The following GALK2 variants were observed in gnomAD, a reference collection of about 807,000 sequenced individuals.
GALK2 encodes N-acetylgalactosamine kinase.
Under a neutral mutation model 52.4 loss-of-function variants are expected in GALK2, and 36 were observed. That is an observed-to-expected ratio of 0.69 (90% confidence interval 0.53 to 0.91). The LOEUF is 0.91. Ranked by LOEUF, GALK2 falls within the 40% of genes least tolerant of loss-of-function variation. The probability of loss-of-function intolerance (pLI) is 0.00; values close to 1 mark genes in which losing one functional copy is unlikely to be tolerated. For missense variants in GALK2, 579 were observed against 559.1 expected (o/e 1.04, Z -0.36); for synonymous variants, 176 against 199.1 (o/e 0.88, Z 0.98).
chr15:49,289,670 T>A (rs983902864), intron 7 of GALK2, among the ~76,000 whole-genome samples: 3 of 152,202 alleles, frequency 2.0e-5, no homozygotes, highest in Non-Finnish European at 2.9e-5. Flanking sequence ...ACCTGTGATT[T>A]GAAGCTCAGC....
intron 3 of GALK2, among the ~76,000 whole-genome samples, chr15:49,345,301 A>C (rs1198005718): frequency 1.3e-5 from 2 of 152,166 alleles, no homozygotes; most frequent in Non-Finnish European, 2.9e-5. Context: ...GTTCCTCATA[A>C]AGTCATTCTA....
At chr15:49,205,503 T>A (rs1033683657) in intron 2 of GALK2, among the ~76,000 whole-genome samples, 2 of 152,230 alleles carry the variant, frequency 1.3e-5, no homozygotes. Context: ...TTTTTCCATA[T>A]GTTTGTTGGC....
Position 49,328,266 on chromosome 15 carries a change from G to A in GALK2, c.*107G>A, listed in dbSNP as rs1567072075. The A allele has an allele frequency of 8.2e-6, 12 of 1,455,182 alleles. No individual in the cohort carries two copies. The highest frequency in any genetic ancestry group is 3.0e-5 in the South Asian group (2 of 67,278). 90.1% of individuals were successfully genotyped at this position (1,455,182 alleles called of 1,614,324 possible). On this transcript the variant is annotated 3_prime_UTR_variant, in exon 10 of 10. Coordinates refer to ENST00000560031, the MANE Select transcript of GALK2 (RefSeq NM_002044.4). ...CCTTCTGTTTTGTATTATGATGAAC[G>A]GTTGCTATTATATCAAGATATATTT...
At chr15:49,232,456 C>G (rs1038246960) in intron 3 of GALK2, among the ~76,000 whole-genome samples, 2 of 152,180 alleles carry the variant, frequency 1.3e-5, no homozygotes, top group African/African-American at 2.4e-5. Context: ...AAAGTCTTTT[C>G]CCCTTTGTCT....
chr15:49,214,289 A>C (rs565967706), intron 2 of GALK2, among the ~76,000 whole-genome samples: 29 of 150,918 alleles, frequency 1.9e-4, no homozygotes, highest in South Asian at 4.2e-4. Flanking sequence ...AAACAAAAAA[A>C]CCCCCCAAAA....
chr15:49,302,781 G>C (rs2141874350), intron 8 of GALK2, among the ~76,000 whole-genome samples: 1 of 152,280 alleles, frequency 6.6e-6, no homozygotes, highest in Admixed American at 6.5e-5. Context: ...GACCCTTCTA[G>C]AGTTTACAGA....
At chr15:49,267,520 A>G (rs994325445) in intron 5 of GALK2, among the ~76,000 whole-genome samples, 21 of 152,158 alleles carry the variant, frequency 1.4e-4, no homozygotes, top group African/African-American at 4.8e-4. Context: ...GGGAATACCA[A>G]TCCCTTCAAT....
intron 9 of GALK2, among the ~76,000 whole-genome samples, chr15:49,324,446 G>A (rs2037166302): frequency 6.8e-6 from 1 of 145,994 alleles, no homozygotes; most frequent in Admixed American, 6.8e-5. Context: ...CCCCTTAGGG[G>A]TTCACTTCTC....
chr15:49,188,350 T>G (rs1475548747), intron 1 of GALK2, among the ~76,000 whole-genome samples: 2 of 152,224 alleles, frequency 1.3e-5, no homozygotes, highest in Non-Finnish European at 2.9e-5. Flanking sequence ...GTCTAAATGC[T>G]GCTTCCATGG....
intron 5 of GALK2, among the ~76,000 whole-genome samples, chr15:49,271,961 T>C (rs920304943): frequency 6.6e-6 from 1 of 152,226 alleles, no homozygotes. Context: ...GAATCAGAAA[T>C]GTCTGCCTCC....
chr15:49,160,252 G>A (rs1446756380), intron 1 of GALK2, among the ~76,000 whole-genome samples: 1 of 151,948 alleles, frequency 6.6e-6, no homozygotes, highest in Admixed American at 6.5e-5. Flanking sequence ...TCCAGCCTGG[G>A]CGACAGAGTG....
At chr15:49,289,856 C>G (rs996363099) in intron 7 of GALK2, among the ~76,000 whole-genome samples, 2 of 152,168 alleles carry the variant, frequency 1.3e-5, no homozygotes, top group East Asian at 3.9e-4. Context: ...AGTTTTAGCA[C>G]CATTTATCAG....
At chr15:49,235,158 C>A (rs915156410) in intron 3 of GALK2, among the ~76,000 whole-genome samples, 3 of 152,054 alleles carry the variant, frequency 2.0e-5, no homozygotes, top group Admixed American at 6.5e-5. Context: ...TAAGTTTAGC[C>A]CAGTTTAGCC....
chr15:49,269,081 A>G (rs2029942510), intron 5 of GALK2, among the ~76,000 whole-genome samples: 1 of 152,198 alleles, frequency 6.6e-6, no homozygotes, highest in African/African-American at 2.4e-5. Context: ...AGAGATTACA[A>G]TCATTTATTT....
chr15:49,292,261 C>A, intron 7 of GALK2, 66 bp from the exon 8 acceptor site: 3 of 1,392,720 alleles, frequency 2.2e-6, no homozygotes, highest in Non-Finnish European at 1.0e-6. Flanking sequence ...TTGAATCTGG[C>A]TAATTAAAAT....
At chr15:49,242,788 A>T (rs1003297007) in intron 5 of GALK2, among the ~76,000 whole-genome samples, 1 of 152,228 alleles carries the variant, frequency 6.6e-6, no homozygotes, top group Non-Finnish European at 1.5e-5. Context: ...TCTATGAAAA[A>T]GGAAAATCTA....
chr15:49,259,327 A>C (rs1002690467), intron 5 of GALK2, among the ~76,000 whole-genome samples: 1 of 144,888 alleles, frequency 6.9e-6, no homozygotes, highest in Non-Finnish European at 1.5e-5. Flanking sequence ...TCCTAAAGCT[A>C]TCCATCCCCC....
intron 9 of GALK2, among the ~76,000 whole-genome samples, chr15:49,323,324 C>T (rs970098352): frequency 3.3e-5 from 5 of 152,138 alleles, no homozygotes; most frequent in African/African-American, 1.2e-4. Flanking sequence ...CACAATTACC[C>T]TGCCACCATT....
At chr15:49,255,790 T>C (rs2141592697) in intron 5 of GALK2, among the ~76,000 whole-genome samples, 1 of 152,220 alleles carries the variant, frequency 6.6e-6, no homozygotes, top group South Asian at 2.1e-4. Flanking sequence ...TATAACATAG[T>C]CTTCTATTAC....
Sources: allele counts gnomAD v4.1 joint callset (sites outside exome capture counted in the v4.1 genomes callset), GRCh38; gene constraint gnomAD v4.1.1; transcripts MANE v1.5; gene names NCBI Gene and HGNC (gene_info 2026-07-23, HGNC 2026-07-21).